The following EPB41L1 variants were observed in gnomAD, a reference collection of about 807,000 sequenced individuals.
EPB41L1 encodes the protein band 4.1-like protein 1.
In EPB41L1, 29 loss-of-function variants were observed where a neutral mutation model predicts 97.8. The ratio of observed to expected loss-of-function variants is 0.30; its 90% CI spans 0.22 to 0.40. The LOEUF (loss-of-function observed/expected upper bound fraction) is 0.40, where lower values mean the gene tolerates loss of function less well. EPB41L1 is among the 10% of genes least tolerant of loss of function. The pLI is 1.00. For missense variants in EPB41L1, 812 were observed against 1,162.3 expected (o/e 0.70, Z 4.38); for synonymous variants, 383 against 459.2 (o/e 0.83, Z 2.12).
intron 21 of EPB41L1, among the ~76,000 whole-genome samples, chr20:36,222,763 G>A (rs1217822649): frequency 6.6e-6 from 1 of 152,148 alleles, no homozygotes; most frequent in South Asian, 2.1e-4. Context: ...TCTATAAACC[G>A]GAAGTCAGAA....
At chr20:36,227,280 G>A (rs2064218007) in intron 21 of EPB41L1, among the ~76,000 whole-genome samples, 1 of 152,078 alleles carries the variant, frequency 6.6e-6, no homozygotes, top group Admixed American at 6.6e-5. Flanking sequence ...TCGCGCCACT[G>A]CACTCCAGCC....
chr20:36,138,715 A>G (rs1001242940), intron 2 of EPB41L1, among the ~76,000 whole-genome samples: 2 of 152,232 alleles, frequency 1.3e-5, no homozygotes, highest in Admixed American at 6.5e-5. Context: ...ATAAAGACTC[A>G]GAGAGGTTAA....
chr20:36,224,633 G>A (rs1276138214), intron 21 of EPB41L1, among the ~76,000 whole-genome samples: 3 of 152,170 alleles, frequency 2.0e-5, no homozygotes, highest in Admixed American at 1.3e-4. Context: ...GCAACAGAGC[G>A]AGACTCCGTC....
intron 2 of EPB41L1, chr20:36,125,355 C>G (rs761155337): frequency 1.4e-6 from 1 of 692,382 alleles, no homozygotes; most frequent in Non-Finnish European, 2.6e-6. Flanking sequence ...AGCCCCTCCC[C>G]TTATCAACCG....
At chr20:36,214,746 C>T (rs1601024369) in intron 17 of EPB41L1, among the ~76,000 whole-genome samples, 1 of 152,058 alleles carries the variant, frequency 6.6e-6, no homozygotes, top group South Asian at 2.1e-4. Context: ...TTGGCACCCA[C>T]GAATCTCATC....
In EPB41L1 at chr20:36,206,435, G is replaced by C; in HGVS notation, c.1669-3053G>C. 7.8e-7 allele frequency: 1 copy of C among 1,290,040 alleles called. No individual in the cohort carries two copies. Among genetic ancestry groups the C allele is most frequent in the African/African-American group, 1.5e-5 (1 of 66,012 alleles). The allele number at this position is 1,290,040 out of a possible 1,614,324, so 79.9% of individuals were successfully genotyped here. ...CACGCAGAAGCCAGAGCTGAGTTGA[G>C]CAATGAAACTGATACTTCCTTTGCA... is the stretch of plus-strand genomic sequence containing the variant. On this transcript the variant is annotated intron_variant, in intron 14 of 21. Transcript: ENST00000338074. This position sits in a 1 kb window ranked among gnomAD's most constrained non-coding sequence, Gnocchi z 5.5.
At chr20:36,140,280 G>A (rs553074423) in intron 2 of EPB41L1, among the ~76,000 whole-genome samples, 1 of 138,180 alleles carries the variant, frequency 7.2e-6, no homozygotes, top group East Asian at 2.2e-4. Flanking sequence ...CATGTTGGCC[G>A]TGCTGGTCTT....
At chr20:36,224,463 C>T (rs757479684) in intron 21 of EPB41L1, among the ~76,000 whole-genome samples, 7 of 152,058 alleles carry the variant, frequency 4.6e-5, no homozygotes, top group East Asian at 3.9e-4. Flanking sequence ...GCCTGACCAA[C>T]GTGGTGAAAC....
rs1180637625 is a variant in EPB41L1, at chr20:36,230,127, A to G, written c.*787A>G. 1 of 123,344 alleles carries G rather than the reference A, an allele frequency of 8.1e-6. No individual in the cohort carries two copies. Among genetic ancestry groups the G allele is most frequent in the Non-Finnish European group, 1.6e-5 (1 of 62,038 alleles). 7.6% of individuals were successfully genotyped at this position (123,344 alleles called of 1,614,324 possible). ...CTGTGTCCTGGTCCTTCTGAGGGCC[A>G]CTGCAGATGACTCTCCTTTGAAATG... On this transcript the variant is annotated 3_prime_UTR_variant, in exon 22 of 22. Transcript: ENST00000338074.
At chr20:36,217,146 G>T (rs774192581) in intron 17 of EPB41L1, among the ~76,000 whole-genome samples, 3 of 152,216 alleles carry the variant, frequency 2.0e-5, no homozygotes, top group Non-Finnish European at 4.4e-5. Flanking sequence ...GCGTGTGTTG[G>T]AAGTGGAAGA....
At chr20:36,184,466 T>A (rs1361824298) in intron 6 of EPB41L1, among the ~76,000 whole-genome samples, 1 of 152,204 alleles carries the variant, frequency 6.6e-6, no homozygotes, top group African/African-American at 2.4e-5. Context: ...TTTAAACCAA[T>A]TTGTTTTCAG....
At chr20:36,182,211 G>A in intron 5 of EPB41L1, 61 bp from the exon 6 acceptor site, 3 of 1,454,804 alleles carry the variant, frequency 2.1e-6, no homozygotes, top group Non-Finnish European at 2.9e-6. Flanking sequence ...AGAGGATGGT[G>A]CATCTGGACC....
intron 2 of EPB41L1, among the ~76,000 whole-genome samples, chr20:36,114,775 C>T (rs1452080112): frequency 6.6e-6 from 1 of 152,112 alleles, no homozygotes; most frequent in Non-Finnish European, 1.5e-5. Context: ...ATCTGTATGT[C>T]AATCCAAGGG....
In EPB41L1 at chr20:36,218,966, A is replaced by T; in HGVS notation, c.2355+4A>T. 1 of 1,614,036 alleles carries T rather than the reference A, an allele frequency of 6.2e-7. No homozygotes were observed. Among genetic ancestry groups the T allele is most frequent in the Non-Finnish European group, 8.5e-7 (1 of 1,179,970 alleles). On this transcript the variant is annotated splice_donor_region_variant and intron_variant, in intron 18 of 21. Coordinates refer to ENST00000338074, the MANE Select transcript of EPB41L1 (RefSeq NM_012156.2). ...GGAAATCCGTTCTCTTTCTCCGGTA[A>T]GTGGGCAAGGCCAGCTCAGGCTAGG...
At chr20:36,226,671 G>T (rs954676673) in intron 21 of EPB41L1, among the ~76,000 whole-genome samples, 1 of 152,146 alleles carries the variant, frequency 6.6e-6, no homozygotes, top group Non-Finnish European at 1.5e-5. Context: ...CTTAATAAAA[G>T]CTCATTATGA....
At chr20:36,214,635 A>G (rs1222732807) in intron 17 of EPB41L1, among the ~76,000 whole-genome samples, 195 bp downstream of exon 17, 1 of 152,186 alleles carries the variant, frequency 6.6e-6, no homozygotes, top group African/African-American at 2.4e-5. Flanking sequence ...TCAGTTTTCC[A>G]AAGTGAGTAA....
chr20:36,224,657 A>T (rs770220097), intron 21 of EPB41L1, among the ~76,000 whole-genome samples: 95 of 152,330 alleles, frequency 6.2e-4, no homozygotes, highest in Admixed American at 1.7e-3. Flanking sequence ...AAAATAAAAT[A>T]AAATTAAATT....
chr20:36,108,059 T>C (rs1290736440), intron 1 of EPB41L1, among the ~76,000 whole-genome samples: 2 of 152,000 alleles, frequency 1.3e-5, no homozygotes, highest in East Asian at 3.9e-4. Context: ...CATAGCTCAC[T>C]GCAACCCTTG....
chr20:36,103,283 C>A (rs993615680), intron 1 of EPB41L1, among the ~76,000 whole-genome samples: 3 of 152,246 alleles, frequency 2.0e-5, no homozygotes, highest in Non-Finnish European at 4.4e-5. Context: ...GTGCACAGAA[C>A]AAGTTCTTAA....
Sources: gnomAD v4.1 joint callset for allele counts (sites outside exome capture counted in the v4.1 genomes callset) on GRCh38, gnomAD v4.1.1 for gene constraint, Gnocchi (gnomAD v3.1) non-coding constraint, MANE v1.5 for transcripts, NCBI Gene and HGNC (gene_info 2026-07-23, HGNC 2026-07-21) for gene names.